PCBP3: variants seen among roughly 807,000 people sequenced by gnomAD.
PCBP3 encodes the protein poly(rC) binding protein 3.
PCBP3 carries 25 observed loss-of-function variants against 52.7 expected under a neutral mutation model. The ratio of observed to expected loss-of-function variants is 0.47; its 90% CI spans 0.35 to 0.66. The LOEUF is 0.66. Among genes scored for constraint, PCBP3 ranks in the 30% least tolerant of loss-of-function variants. The pLI, the probability that PCBP3 is intolerant of heterozygous loss-of-function variation, is 0.01. For missense variants in PCBP3, 391 were observed against 490.3 expected (o/e 0.80, Z 1.91); for synonymous variants, 162 against 183.0 (o/e 0.89, Z 0.93).
At chr21:45,709,007 C>T (rs561178106) in intron 2 of PCBP3, among the ~76,000 whole-genome samples, 1 of 152,346 alleles carries the variant, frequency 6.6e-6, no homozygotes, top group African/African-American at 2.4e-5. Context: ...GACTGGTTTC[C>T]TTGCTTGCTA....
At chr21:45,750,881 T>G (rs1414070265) in intron 3 of PCBP3, 1 of 151,622 alleles carries the variant, frequency 6.6e-6, no homozygotes, top group Non-Finnish European at 1.5e-5. Flanking sequence ...TGTAAGTGTG[T>G]GTGTGTGTGT....
Position 45,656,721 on chromosome 21 carries a change from C to T in PCBP3, c.-278-12153C>T, listed in dbSNP as rs2080044239. ...TTTAAAAACTGGATTGTCTTTTTAT[C>T]GCTGAGTTGTAAGTGTTCTTTATGT... is the stretch of plus-strand genomic sequence containing the variant. On this transcript the variant is annotated intron_variant, in intron 1 of 17. Transcript: ENST00000681687. This position sits in a 1 kb window ranked among gnomAD's most constrained non-coding sequence, Gnocchi z 4.3. 6.6e-6 allele frequency among the ~76,000 whole-genome samples: 1 copy of T among 152,136 alleles called. No homozygotes were observed. Among genetic ancestry groups the T allele is most frequent in the South Asian group, 2.1e-4 (1 of 4,824 alleles).
chr21:45,730,676 G>T (rs1416832744), intron 2 of PCBP3, among the ~76,000 whole-genome samples: 1 of 152,096 alleles, frequency 6.6e-6, no homozygotes, highest in Non-Finnish European at 1.5e-5. Context: ...TCTATTTGGT[G>T]GGGGGTTGCT....
At chr21:45,892,151 G>A (rs993250461) in intron 5 of PCBP3, among the ~76,000 whole-genome samples, 1 of 152,206 alleles carries the variant, frequency 6.6e-6, no homozygotes, top group African/African-American at 2.4e-5. Flanking sequence ...CAGGACCGCG[G>A]CGTCCTTCCT....
At chr21:45,719,074 G>A (rs967336646) in intron 2 of PCBP3, among the ~76,000 whole-genome samples, 2 of 152,184 alleles carry the variant, frequency 1.3e-5, no homozygotes, top group Admixed American at 1.3e-4. Flanking sequence ...AGGTCAGTGT[G>A]TGAGAAATTT....
intron 7 of PCBP3, 31 bp downstream of exon 7, chr21:45,899,653 G>A: frequency 6.3e-7 from 1 of 1,577,788 alleles, no homozygotes; most frequent in Non-Finnish European, 8.7e-7. Flanking sequence ...TGCCTCTCCT[G>A]GGGTCTCTGT....
At chr21:45,763,692 C>G (rs541350696) in intron 4 of PCBP3, 33 of 152,484 alleles carry the variant, frequency 2.2e-4, no homozygotes, top group African/African-American at 7.9e-4. Context: ...GCCAGGGCCG[C>G]GCCCTCCCCG....
chr21:45,930,766 G>C lies in PCBP3; in HGVS notation c.797-20G>C. 3 of 1,089,570 alleles carry C rather than the reference G, an allele frequency of 2.8e-6. No individual in the cohort carries two copies. Among genetic ancestry groups the C allele is most frequent in the Non-Finnish European group, 4.3e-6 (3 of 701,212 alleles). The allele number at this position is 1,089,570 out of a possible 1,614,324, so 67.5% of individuals were successfully genotyped here. ...TCCTTGAGGGCAAAACATTAAACCTGTCTCTTCTTTGCTCTCCAGGAGAAA... is the reference window on the plus strand; with the variant it reads ...TCCTTGAGGGCAAAACATTAAACCTCTCTCTTCTTTGCTCTCCAGGAGAAA... On this transcript the variant is annotated intron_variant, in intron 14 of 17. Coordinates refer to ENST00000681687, the MANE Select transcript of PCBP3 (RefSeq NM_001384156.1).
chr21:45,719,800 A>G (rs1178290998), intron 2 of PCBP3, among the ~76,000 whole-genome samples: 1 of 152,188 alleles, frequency 6.6e-6, no homozygotes, highest in Non-Finnish European at 1.5e-5. Flanking sequence ...GAATGGACTA[A>G]TACACATACT....
intron 4 of PCBP3, among the ~76,000 whole-genome samples, chr21:45,819,679 A>T (rs984172516): frequency 1.3e-5 from 2 of 152,236 alleles, no homozygotes; most frequent in African/African-American, 4.8e-5. Context: ...GAGGTGGGGA[A>T]GGCTCCTGGG....
intron 4 of PCBP3, among the ~76,000 whole-genome samples, chr21:45,755,895 C>A (rs780635594): frequency 3.3e-5 from 5 of 151,758 alleles, no homozygotes; most frequent in Non-Finnish European, 7.4e-5. Context: ...TTTTTATTTT[C>A]TTAATGTCTT....
At position 45,791,780 on chromosome 21, in the gene PCBP3, C is replaced by T. The variant is rs1338572307; in HGVS notation, c.-126+36328C>T. On this transcript the variant is annotated intron_variant, in intron 4 of 17. Coordinates refer to ENST00000681687, the MANE Select transcript of PCBP3 (RefSeq NM_001384156.1). This position sits in a 1 kb window ranked among gnomAD's most constrained non-coding sequence, Gnocchi z 4.2. ...ACTGACTGCACAGCAAGTGTTAGGT[C>T]GTGGCACAGGGTAATTACAGACAAC... 1.3e-5 allele frequency among the ~76,000 whole-genome samples: 2 copies of T among 152,232 alleles called. No individual in the cohort carries two copies. Among genetic ancestry groups the T allele is most frequent in the Non-Finnish European group, 2.9e-5 (2 of 68,042 alleles).
At chr21:45,922,856 C>T (rs1348931904) in intron 13 of PCBP3, among the ~76,000 whole-genome samples, 6 of 152,216 alleles carry the variant, frequency 3.9e-5, no homozygotes, top group East Asian at 1.9e-4. Flanking sequence ...TTGGCACAGC[C>T]GCCCAGGCAG....
intron 15 of PCBP3, among the ~76,000 whole-genome samples, chr21:45,932,604 G>T (rs1205231399): frequency 1.3e-5 from 2 of 152,002 alleles, no homozygotes; most frequent in East Asian, 3.9e-4. Context: ...ATGCTGTCCC[G>T]AGATGAATGA....
chr21:45,773,673 A>G (rs2090045712), intron 4 of PCBP3, among the ~76,000 whole-genome samples: 1 of 152,164 alleles, frequency 6.6e-6, no homozygotes, highest in Non-Finnish European at 1.5e-5. Context: ...AGATAATGTA[A>G]TGCCTCCAGC....
chr21:45,775,554 C>T (rs2090190810), intron 4 of PCBP3, among the ~76,000 whole-genome samples: 1 of 152,210 alleles, frequency 6.6e-6, no homozygotes, highest in South Asian at 2.1e-4. Context: ...GTAGCTAGGA[C>T]TACAGATGGG....
At position 45,837,271 on chromosome 21, in the gene PCBP3, C is replaced by T. The variant is rs1168652782; in HGVS notation, c.-125-12690C>T. Among the ~76,000 whole-genome samples the T allele has an allele frequency of 1.3e-5, 2 of 152,248 alleles. No homozygotes were observed. The highest frequency in any genetic ancestry group is 4.8e-5 in the African/African-American group (2 of 41,464). On this transcript the variant is annotated intron_variant, in intron 4 of 17. Coordinates refer to ENST00000681687, the MANE Select transcript of PCBP3 (RefSeq NM_001384156.1). The surrounding 1 kb of genome is among the most constrained non-coding windows in gnomAD (Gnocchi z 4.1). ...ATCTCCCGTTCCACATGCTCTTGTG[C>T]TGTGACTTTGATGCACCTCCCGCCA...
At chr21:45,714,157 G>T (rs1351256895) in intron 2 of PCBP3, among the ~76,000 whole-genome samples, 1 of 152,092 alleles carries the variant, frequency 6.6e-6, no homozygotes, top group Non-Finnish European at 1.5e-5. Context: ...CTCCTTTGGG[G>T]TCTCATCTCT....
At chr21:45,926,242 ACC>A (rs754712893) in intron 13 of PCBP3, among the ~76,000 whole-genome samples, 5 of 151,754 alleles carry the variant, frequency 3.3e-5, no homozygotes, top group Non-Finnish European at 5.9e-5. Flanking sequence ...GCAGCACGTT[ACC>A]CCCACGTGTG....
Sources: allele counts gnomAD v4.1 joint callset (sites outside exome capture counted in the v4.1 genomes callset), GRCh38; gene constraint gnomAD v4.1.1; non-coding constraint Gnocchi (gnomAD v3.1); transcripts MANE v1.5; gene names NCBI Gene and HGNC (gene_info 2026-07-23, HGNC 2026-07-21).